ANK3: variants seen among roughly 807,000 people sequenced by gnomAD.
The protein encoded by ANK3 is ankyrin-3.
ANK3 carries 57 observed loss-of-function variants against 370.9 expected under a neutral mutation model. That is an observed-to-expected ratio of 0.15 (90% CI 0.12 to 0.19). The LOEUF (loss-of-function observed/expected upper bound fraction) is 0.19. Ranked by LOEUF, ANK3 falls within the 10% of genes least tolerant of loss-of-function variation. The pLI is 1.00. For missense variants in ANK3, 4,439 were observed against 5,302.1 expected (o/e 0.84, Z 5.06); for synonymous variants, 1,929 against 1,946.3 (o/e 0.99, Z 0.23).
chr10:60,239,369 G>T (rs2097386362), intron 7 of ANK3, among the ~76,000 whole-genome samples: 1 of 151,824 alleles, frequency 6.6e-6, no homozygotes, highest in South Asian at 2.1e-4. Flanking sequence ...GAAATATAAA[G>T]GAACAATCTC....
At chr10:60,290,225 A>G (rs1014373682) in intron 1 of ANK3, among the ~76,000 whole-genome samples, 1 of 152,184 alleles carries the variant, frequency 6.6e-6, no homozygotes, top group African/African-American at 2.4e-5. Context: ...TAAGAGATTG[A>G]TATTTCTCTT....
At chr10:60,149,234 A>T (rs2094973749) in intron 23 of ANK3, among the ~76,000 whole-genome samples, 1 of 152,010 alleles carries the variant, frequency 6.6e-6, no homozygotes, top group African/African-American at 2.4e-5. Context: ...CCCCATTGGG[A>T]CATCTTTCCT....
chr10:60,690,790 A>G (rs1432774882), intron 1 of ANK3, among the ~76,000 whole-genome samples: 1 of 152,188 alleles, frequency 6.6e-6, no homozygotes, highest in African/African-American at 2.4e-5. Context: ...CGCACTCAGA[A>G]GTCTTCAGAG....
chr10:60,348,066 T>C (rs774994833), intron 1 of ANK3, among the ~76,000 whole-genome samples: 4 of 152,054 alleles, frequency 2.6e-5, no homozygotes, highest in Non-Finnish European at 5.9e-5. Context: ...AGCCAGAAAG[T>C]GGACTTTGTT....
chr10:60,412,299 A>G (rs2063576376), intron 2 of ANK3, among the ~76,000 whole-genome samples: 1 of 152,130 alleles, frequency 6.6e-6, no homozygotes, highest in Admixed American at 6.5e-5. Context: ...GCCTCATCCA[A>G]TCCCCTGAGA....
intron 41 of ANK3, among the ~76,000 whole-genome samples, chr10:60,058,595 T>C (rs918250510): frequency 1.3e-5 from 2 of 152,194 alleles, no homozygotes; most frequent in Non-Finnish European, 2.9e-5. Context: ...TAAAAAATCA[T>C]GCGTAGAAGA....
At chr10:60,575,787 T>C (rs1475170921) in intron 2 of ANK3, among the ~76,000 whole-genome samples, 1 of 152,192 alleles carries the variant, frequency 6.6e-6, no homozygotes, top group Non-Finnish European at 1.5e-5. Flanking sequence ...AGGGCAAATT[T>C]CATTTAAGGG....
chr10:60,065,499 TC>T (rs2131951437), intron 38 of ANK3, among the ~76,000 whole-genome samples: 1 of 152,288 alleles, frequency 6.6e-6, no homozygotes, highest in African/African-American at 2.4e-5. Context: ...CTCAAAAAAG[TC>T]CATTATCTTT....
intron 23 of ANK3, among the ~76,000 whole-genome samples, chr10:60,149,478 A>C (rs1467268820): frequency 6.6e-6 from 1 of 152,202 alleles, no homozygotes; most frequent in Non-Finnish European, 1.5e-5. Context: ...AATAAAAAAA[A>C]CCACAACAGC....
At chr10:60,244,997 G>A (rs1427775306) in intron 7 of ANK3, among the ~76,000 whole-genome samples, 5 of 152,088 alleles carry the variant, frequency 3.3e-5, no homozygotes, top group East Asian at 1.9e-4. Context: ...GTGAAACCCC[G>A]TCTCTACTAA....
At position 60,073,569 on chromosome 10, in the gene ANK3, A is replaced by G. The variant is rs745427841; in HGVS notation, c.7312T>C (p.Leu2438=). Residue 2438 remains leucine (L), a synonymous_variant, in exon 37 of 44, where the codon TTG becomes CTG. Coordinates refer to ENST00000280772, the MANE Select transcript of ANK3 (RefSeq NM_020987.5). ...ATTGAGTGTTGACTCAAAAGCTTCAATGTTTTATAAGAGTCATCAGATATG... is the reference window on the plus strand; with the variant it reads ...ATTGAGTGTTGACTCAAAAGCTTCAGTGTTTTATAAGAGTCATCAGATATG... ...QLISDDSYKT[L]KLLSQHSIEY... The G allele has an allele frequency of 7.4e-6, 12 of 1,614,048 alleles. No individual in the cohort carries two copies. The highest frequency in any genetic ancestry group is 5.0e-5 in the Admixed American group (3 of 60,010).
chr10:60,446,424 C>T (rs1280905637), intron 2 of ANK3, among the ~76,000 whole-genome samples: 2 of 152,108 alleles, frequency 1.3e-5, no homozygotes, highest in South Asian at 2.1e-4. Context: ...GCTAGTGAGC[C>T]CCCCCTTCCT....
rs2079775975 is a variant in ANK3, at chr10:60,715,649, T to C, written c.57+17614A>G. ...TTCTTTCTAAAACCAGTATAAAAGTTATTTCAGATAGTTATTTCAGATATT... is the reference window on the plus strand; with the variant it reads ...TTCTTTCTAAAACCAGTATAAAAGTCATTTCAGATAGTTATTTCAGATATT... On this transcript the variant is annotated intron_variant, in intron 1 of 43. Coordinates refer to the ANK3 transcript ENST00000373827. Among the ~76,000 whole-genome samples the C allele has an allele frequency of 2.0e-5, 3 of 152,178 alleles. No homozygotes were observed. The South Asian group carries it at 6.2e-4, about 32-fold the overall frequency.
chr10:60,519,204 A>G (rs2076294069), intron 2 of ANK3, among the ~76,000 whole-genome samples: 2 of 152,106 alleles, frequency 1.3e-5, no homozygotes. Context: ...AAAGAATGAC[A>G]AGCTCCAGCA....
chr10:60,552,843 T>C (rs1484036149), intron 2 of ANK3, among the ~76,000 whole-genome samples: 2 of 151,876 alleles, frequency 1.3e-5, no homozygotes, highest in Non-Finnish European at 2.9e-5. Flanking sequence ...TGGGGGTGGG[T>C]CTTTGCCGTG....
At position 60,068,029 on chromosome 10, in the gene ANK3, A is replaced by T; in HGVS notation, c.12245-20T>A. 6.3e-7 allele frequency: 1 copy of T among 1,588,576 alleles called. No individual in the cohort carries two copies. Among genetic ancestry groups the T allele is most frequent in the South Asian group, 1.1e-5 (1 of 89,184 alleles). ...GTGGACCTACGATTTACAATTTCTT[A>T]ATTAAAATAATCATCAAGAAAGATA... On this transcript the variant is annotated intron_variant, in intron 37 of 43. Transcript: ENST00000280772.
At chr10:60,240,086 CTATA>C (rs1402581732) in intron 7 of ANK3, among the ~76,000 whole-genome samples, 6 of 127,646 alleles carry the variant, frequency 4.7e-5, no homozygotes, top group South Asian at 2.6e-4. Flanking sequence ...CATATATACA[CTATA>C]TATACACACA....
At chr10:60,720,137 C>T (rs1260056543) in intron 1 of ANK3, among the ~76,000 whole-genome samples, 1 of 152,156 alleles carries the variant, frequency 6.6e-6, no homozygotes, top group Non-Finnish European at 1.5e-5. Context: ...CCCTTCCTTA[C>T]AAGGATAATA....
intron 1 of ANK3, among the ~76,000 whole-genome samples, chr10:60,311,239 T>C (rs964599971): frequency 1.3e-5 from 2 of 152,104 alleles, no homozygotes; most frequent in Admixed American, 1.3e-4. Flanking sequence ...CACAGATGAA[T>C]GAAGAAGCAA....
Sources: gnomAD v4.1 joint callset for allele counts (sites outside exome capture counted in the v4.1 genomes callset) on GRCh38, gnomAD v4.1.1 for gene constraint, MANE v1.5 for transcripts, NCBI Gene and HGNC (gene_info 2026-07-23, HGNC 2026-07-21) for gene names.